The following DHRS12 variants were observed in gnomAD, a reference collection of about 807,000 sequenced individuals.
The protein encoded by DHRS12 is dehydrogenase/reductase SDR family member 12.
DHRS12 carries 29 observed loss-of-function variants against 32.1 expected under a neutral mutation model. That is an observed-to-expected ratio of 0.90 (90% CI 0.67 to 1.23). The LOEUF is 1.23. Ranked by LOEUF, DHRS12 falls within the 50% of genes most tolerant of loss-of-function variation. DHRS12 has a pLI of 0.00. For missense variants in DHRS12, 330 were observed against 337.2 expected, an observed-to-expected ratio of 0.98 and a Z score of 0.17; for synonymous variants, 150 against 135.9, an observed-to-expected ratio of 1.10 and a Z score of -0.72.
At chr13:51,777,185 G>A in intron 4 of DHRS12, 64 bp from the exon 5 acceptor site, 1 of 1,589,228 alleles carries the variant, frequency 6.3e-7, no homozygotes, top group Non-Finnish European at 8.6e-7. Context: ...GGGTCCTGCA[G>A]GACTGATGTG....
At chr13:51,758,316 A>C in the DHRS12 span, 3 of 1,552,678 alleles carry the variant, frequency 1.9e-6, no homozygotes, top group Non-Finnish European at 1.8e-6. Context: ...ATGCCATCTT[A>C]TTAAGAAGCT....
chr13:51,790,021 G>C lies in DHRS12; in HGVS notation c.291C>G (p.Ala97=). Residue 97 remains alanine, a synonymous_variant, in exon 4 of 9, where the codon GCC becomes GCG. Coordinates refer to ENST00000444610, the MANE Select transcript of DHRS12 (RefSeq NM_001377533.1). ...ACTTCTTGTACTTACCCAGAGTATT[G>C]GCAGCAAAGTTTTTTTCAAGTCCAT... ...TEDGLEKNFA[A]NTLGVYILTT... 1 of 1,602,990 alleles carries C rather than the reference G, an allele frequency of 6.2e-7. No individual in the cohort carries two copies. The highest frequency in any genetic ancestry group is 8.5e-7 in the Non-Finnish European group (1 of 1,176,350).
intron 4 of DHRS12, among the ~76,000 whole-genome samples, chr13:51,784,659 A>G (rs901074830): frequency 1.3e-5 from 2 of 152,238 alleles, no homozygotes; most frequent in African/African-American, 4.8e-5. Flanking sequence ...AAAACGATGC[A>G]TGAGGATAGC....
chr13:51,777,147 AG>A (rs1314022848), intron 4 of DHRS12, 26 bp from the exon 5 acceptor site: 1 of 1,613,490 alleles, frequency 6.2e-7, no homozygotes, highest in Admixed American at 1.7e-5. Context: ...GCATCCCATG[AG>A]GGGGCTGCAG....
intron 2 of DHRS12, among the ~76,000 whole-genome samples, chr13:51,795,961 T>C (rs1227505880): frequency 6.6e-6 from 1 of 152,170 alleles, no homozygotes; most frequent in Non-Finnish European, 1.5e-5. Context: ...TAATCACTTG[T>C]ATCCTGCACA....
At chr13:51,775,601 TCTCCTACAGTATTCTC>T (rs1954289415) in intron 5 of DHRS12, 1 of 7,078 alleles carries the variant, frequency 1.4e-4, no homozygotes, top group African/African-American at 7.3e-4. Flanking sequence ...CTACATGTAT[TCTCCTACAGTATTCTC>T]CTACAGTATT....
the DHRS12 span, chr13:51,760,169 TCAA>T: frequency 6.2e-6 from 1 of 161,416 alleles, no homozygotes; most frequent in Non-Finnish European, 1.4e-5. Context: ...TGTGTTTACT[TCAA>T]CATGTGTCAC....
rs1368744929 is a variant in DHRS12, at chr13:51,804,045, C to T, written c.-9+9G>A. 4.1e-6 allele frequency: 6 copies of T among 1,471,520 alleles called. No individual in the cohort carries two copies. The highest frequency in any genetic ancestry group is 6.0e-5 in the East Asian group (2 of 33,420). 91.2% of individuals were successfully genotyped at this position (1,471,520 alleles called of 1,614,324 possible). On this transcript the variant is annotated intron_variant, in intron 1 of 8. Transcript: ENST00000444610. ...GCCCGGGGCCCCGCGCCCCGCCGCG[C>T]CGCCTTACTTGGTGTACTCGCGCAG...
At chr13:51,769,130 G>T (rs1217633399) in intron 8 of DHRS12, 26 bp downstream of exon 8, 5 of 1,548,706 alleles carry the variant, frequency 3.2e-6, no homozygotes, top group Non-Finnish European at 3.5e-6. Flanking sequence ...TGTGTCAGCT[G>T]CCTTCACAGC....
chr13:51,766,779 C>T (rs2138843399), downstream of DHRS12: 1 of 152,400 alleles, frequency 6.6e-6, no homozygotes, highest in South Asian at 2.1e-4. Context: ...TAAAATAAAT[C>T]TCTGTGAAAA....
the DHRS12 span, among the ~76,000 whole-genome samples, chr13:51,757,636 TAA>T: frequency 2.1e-5 from 3 of 142,650 alleles, no homozygotes; most frequent in Non-Finnish European, 3.1e-5. Flanking sequence ...TCTTCTTACT[TAA>T]AAAAAAAAAA....
At chr13:51,762,090 T>TTA in the DHRS12 span, 63 of 152,368 alleles carry the variant, frequency 4.1e-4, no homozygotes, top group African/African-American at 1.4e-3. Flanking sequence ...TTGTATGTAA[T>TTA]ATAGGACTGT....
intron 2 of DHRS12, among the ~76,000 whole-genome samples, chr13:51,794,916 T>C (rs1340173894): frequency 2.0e-5 from 3 of 152,060 alleles, no homozygotes; most frequent in Admixed American, 1.3e-4. Flanking sequence ...GTTTCTCCCC[T>C]AGGCCCTTTG....
At chr13:51,783,609 T>C (rs1199003291) in intron 4 of DHRS12, among the ~76,000 whole-genome samples, 2 of 152,150 alleles carry the variant, frequency 1.3e-5, no homozygotes, top group Admixed American at 6.5e-5. Flanking sequence ...ACCCCAGATG[T>C]TCCCTCACAG....
At chr13:51,796,466 G>A (rs1955515833) in intron 2 of DHRS12, among the ~76,000 whole-genome samples, 1 of 152,192 alleles carries the variant, frequency 6.6e-6, no homozygotes, top group African/African-American at 2.4e-5. Flanking sequence ...GGTGAGGGGG[G>A]CAGTAGGCAA....
At chr13:51,756,228 C>T in the DHRS12 span, 12 of 1,478,960 alleles carry the variant, frequency 8.1e-6, no homozygotes, top group Non-Finnish European at 1.1e-5. Context: ...AGCATCCTCA[C>T]CTGGATGCAG....
chr13:51,777,132 A>G lies in DHRS12; in HGVS notation c.302-11T>C, dbSNP rs751218187. 9 of 1,613,992 alleles carry G rather than the reference A, an allele frequency of 5.6e-6. No homozygotes were observed. Among genetic ancestry groups the G allele is most frequent in the Non-Finnish European group, 8.5e-7 (1 of 1,180,010 alleles). On this transcript the variant is annotated splice_polypyrimidine_tract_variant and intron_variant, in intron 4 of 8. Coordinates refer to ENST00000444610, the MANE Select transcript of DHRS12 (RefSeq NM_001377533.1). ...TGAGAATGTACACACCTGAGGCAGC[A>G]CACAGCATCCCATGAGGGGGCTGCA...
intron 2 of DHRS12, among the ~76,000 whole-genome samples, chr13:51,793,690 G>C (rs1284280725): frequency 6.6e-6 from 1 of 152,202 alleles, no homozygotes; most frequent in Non-Finnish European, 1.5e-5. Context: ...AGGCTGCTGA[G>C]TCATATCTGA....
At chr13:51,800,038 A>G (rs976466041) in intron 1 of DHRS12, among the ~76,000 whole-genome samples, 1 of 152,036 alleles carries the variant, frequency 6.6e-6, no homozygotes, top group African/African-American at 2.4e-5. Flanking sequence ...GACCATTTGC[A>G]TTGTGCTTAT....
Sources: allele counts gnomAD v4.1 joint callset (sites outside exome capture counted in the v4.1 genomes callset), GRCh38; gene constraint gnomAD v4.1.1; transcripts MANE v1.5; gene names NCBI Gene and HGNC (gene_info 2026-07-23, HGNC 2026-07-21).